SLC38A8: variants seen among roughly 807,000 people sequenced by gnomAD.
SLC38A8 encodes solute carrier family 38 member 8.
In SLC38A8, 65 loss-of-function variants were observed where a neutral mutation model predicts 46.0. The ratio of observed to expected loss-of-function variants is 1.41; its 90% confidence interval spans 1.16 to 1.74. SLC38A8 has a LOEUF of 1.74. SLC38A8 is among the 40% of genes most tolerant of loss of function. The pLI is 0.00. For missense variants in SLC38A8, 998 were observed against 567.9 expected (o/e 1.76, Z -7.70); for synonymous variants, 447 against 243.7 (o/e 1.83, Z -7.77).
In SLC38A8 at chr16:84,033,462, G is replaced by C; in HGVS notation, c.396C>G (p.Asp132Glu). 1 of 1,603,858 alleles carries C rather than the reference G, an allele frequency of 6.2e-7. No individual in the cohort carries two copies. Among genetic ancestry groups the C allele is most frequent in the East Asian group, 2.2e-5 (1 of 44,700 alleles). Residue 132 changes from aspartate (D) to glutamate (E), a missense_variant, in exon 4 of 11, where the codon GAC becomes GAG. By Grantham distance (45) the Asp-to-Glu change is conservative. Coordinates refer to ENST00000299709, the MANE Select transcript of SLC38A8 (RefSeq NM_001080442.3). ...CGGGCGGGGTGCCAGACAGGAGGGAGTCACACACTGCCAGAGACACGGGGA... is the reference window on the plus strand; with the variant it reads ...CGGGCGGGGTGCCAGACAGGAGGGACTCACACACTGCCAGAGACACGGGGA... The part of the protein sequence containing the change: ...VIGDQLEKLC[D>E]SLLSGTPPAP...
intron 9 of SLC38A8, among the ~76,000 whole-genome samples, chr16:84,015,575 G>T (rs951518378): frequency 0.021 from 13 of 620 alleles, no homozygotes; most frequent in Middle Eastern, 0.5. Context: ...CTGTGCCCCC[G>T]GCGGGGGTTC....
chr16:84,032,004 G>C (rs563747225), intron 4 of SLC38A8, 36 bp from the exon 5 acceptor site: 1 of 1,569,998 alleles, frequency 6.4e-7, no homozygotes, highest in Non-Finnish European at 8.8e-7. Flanking sequence ...TGCGCAGTGG[G>C]TGACATGTGC....
At chr16:84,028,211 G>C (rs558967481) in intron 6 of SLC38A8, among the ~76,000 whole-genome samples, 17 of 152,234 alleles carry the variant, frequency 1.1e-4, no homozygotes, top group African/African-American at 4.1e-4. Context: ...TTTTACTTTG[G>C]AATGGTTTTG....
intron 10 of SLC38A8, among the ~76,000 whole-genome samples, chr16:84,011,721 C>T (rs903226950): frequency 8.5e-5 from 13 of 152,056 alleles, no homozygotes; most frequent in African/African-American, 3.1e-4. Flanking sequence ...GGTAGGTATC[C>T]TTATAAAAGA....
chr16:84,033,238 C>T, intron 4 of SLC38A8, 90 bp downstream of exon 4: 1 of 1,565,448 alleles, frequency 6.4e-7, no homozygotes, highest in East Asian at 2.3e-5. Flanking sequence ...AGGCCAATTC[C>T]CCAGCTCCTC....
At chr16:84,030,148 T>C (rs529215540) in intron 5 of SLC38A8, among the ~76,000 whole-genome samples, 1 of 152,146 alleles carries the variant, frequency 6.6e-6, no homozygotes, top group South Asian at 2.1e-4. Context: ...GAGAACATGG[T>C]GTGAGGATGA....
intron 3 of SLC38A8, 76 bp from the exon 4 acceptor site, chr16:84,033,545 C>A: frequency 6.7e-7 from 1 of 1,486,170 alleles, no homozygotes; most frequent in South Asian, 1.4e-5. Flanking sequence ...GGCCCTTCAA[C>A]CCTGGCTGGG....
chr16:84,040,034 G>A (rs2085350882), intron 2 of SLC38A8: 1 of 152,256 alleles, frequency 6.6e-6, no homozygotes, highest in African/African-American at 2.4e-5. Flanking sequence ...TATGGCCCTA[G>A]ACTGTTTTCA....
At chr16:84,035,835 C>T (rs76392240) in intron 3 of SLC38A8, among the ~76,000 whole-genome samples, 5 of 152,178 alleles carry the variant, frequency 3.3e-5, no homozygotes, top group South Asian at 2.1e-4. Flanking sequence ...TCGCAGCTGG[C>T]GATTTTAACA....
At chr16:84,029,387 G>A (rs2085209932) in intron 6 of SLC38A8, 107 bp downstream of exon 6, 1 of 1,177,030 alleles carries the variant, frequency 8.5e-7, no homozygotes, top group African/African-American at 1.5e-5. Flanking sequence ...CCTAGGAGAA[G>A]TCCTCAGACG....
intron 7 of SLC38A8, among the ~76,000 whole-genome samples, chr16:84,020,036 G>A (rs370881662): frequency 4.6e-5 from 7 of 152,182 alleles, no homozygotes; most frequent in African/African-American, 7.2e-5. Context: ...TGGTAACTTC[G>A]CAGTTTGTAG....
chr16:84,022,389 C>A (rs2085105432), intron 7 of SLC38A8, among the ~76,000 whole-genome samples: 1 of 152,210 alleles, frequency 6.6e-6, no homozygotes. Flanking sequence ...CCTGAGTCCA[C>A]TGCACCCACA....
chr16:84,021,939 C>CTCT (rs370798221), intron 7 of SLC38A8, among the ~76,000 whole-genome samples: 3 of 152,124 alleles, frequency 2.0e-5, no homozygotes, highest in African/African-American at 4.8e-5. Flanking sequence ...GCCCAGGTCT[C>CTCT]TCTTCTTCTT....
rs777742885 is a variant in SLC38A8 at position 84,016,551 on chromosome 16, C to T, written c.1130G>A (p.Gly377Asp). The T allele has an allele frequency of 1.2e-6, 2 of 1,613,964 alleles. No homozygotes were observed. Among genetic ancestry groups the T allele is most frequent in the Non-Finnish European group, 1.7e-6 (2 of 1,180,010 alleles). The change falls in exon 9 of 11, where the codon GGC becomes GAC. Residue 377 changes from glycine to aspartate, a missense_variant. Coordinates refer to ENST00000299709, the MANE Select transcript of SLC38A8 (RefSeq NM_001080442.3). ...DLSEIVSIIG[G>D]ISSFFIFIFP... Reference sequence around the variant, plus strand: ...GATGAAGATGAAGAAGGAACTGATGCCTCCGATGATGCTGACGATCTCGCT... The same window carrying T: ...GATGAAGATGAAGAAGGAACTGATGTCTCCGATGATGCTGACGATCTCGCT...
intron 6 of SLC38A8, among the ~76,000 whole-genome samples, chr16:84,026,629 A>G (rs1164325685): frequency 6.6e-6 from 1 of 152,218 alleles, no homozygotes; most frequent in Non-Finnish European, 1.5e-5. Context: ...AGGAGACAGG[A>G]AGACGACACA....
chr16:84,020,691 G>C (rs775165816), intron 7 of SLC38A8, among the ~76,000 whole-genome samples: 1 of 152,150 alleles, frequency 6.6e-6, no homozygotes, highest in Admixed American at 6.5e-5. Context: ...AGGCACCCTG[G>C]GTCTGTCCCC....
At chr16:84,014,322 C>T (rs113201523) in intron 9 of SLC38A8, among the ~76,000 whole-genome samples, 5,556 of 149,884 alleles carry the variant, frequency 0.037, 346 homozygotes, top group African/African-American at 0.13. Flanking sequence ...GCTGCGTGGC[C>T]ACACCCTCAC....
chr16:84,029,642 A>C, intron 5 of SLC38A8, 91 bp from the exon 6 acceptor site: 1 of 1,262,720 alleles, frequency 7.9e-7, no homozygotes, highest in Non-Finnish European at 1.1e-6. Flanking sequence ...GGATGCTGGG[A>C]AAATGTAACA....
chr16:84,022,824 C>T lies in SLC38A8; in HGVS notation c.756G>A (p.Leu252=), dbSNP rs1184647531. The change falls in exon 7 of 11, where the codon CTG becomes CTA. Residue 252 remains leucine (L), a synonymous_variant. Transcript: ENST00000299709. ...AGGCCAGCAAGGACAGCACAGACACCAGGGCCCAGTGGGAGAGGCTCCGTT... is the reference window on the plus strand; with the variant it reads ...AGGCCAGCAAGGACAGCACAGACACTAGGGCCCAGTGGGAGAGGCTCCGTT... ...MRKRSLSHWA[L]VSVLSLLACC... 2 of 1,613,636 alleles carry T rather than the reference C, an allele frequency of 1.2e-6. No individual in the cohort carries two copies. The highest frequency in any genetic ancestry group is 1.7e-6 in the Non-Finnish European group (2 of 1,179,802).
Sources: allele counts gnomAD v4.1 joint callset (sites outside exome capture counted in the v4.1 genomes callset), GRCh38; gene constraint gnomAD v4.1.1; transcripts MANE v1.5; gene names NCBI Gene and HGNC (gene_info 2026-07-23, HGNC 2026-07-21).